Variants in ADAM29 observed in about 807,000 individuals in gnomAD.
The protein encoded by ADAM29 is disintegrin and metalloproteinase domain-containing protein 29.
For missense variants in ADAM29, 969 were observed against 1,001.8 expected (o/e 0.97, Z 0.44); for synonymous variants, 367 against 342.3 (o/e 1.07, Z -0.80).
At position 174,961,912 on chromosome 4, in the gene ADAM29, G is replaced by A. The variant is rs1480158526; in HGVS notation, c.-180-13434G>A. On this transcript the variant is annotated intron_variant, in intron 4 of 4. Transcript: ENST00000359240. The stretch of plus-strand genomic sequence containing the variant: ...ACACTTTCTGTCTTTAAGAATTATG[G>A]TGACCTTCTCCAATTAAGAATTATA... Among the ~76,000 whole-genome samples, 6 of 152,116 alleles carry A rather than the reference G, an allele frequency of 3.9e-5. No individual in the cohort carries two copies. The South Asian group carries it at 1.0e-3, about 26-fold the overall frequency.
intron 4 of ADAM29, among the ~76,000 whole-genome samples, chr4:174,944,582 C>T (rs1044245159): frequency 1.3e-5 from 2 of 152,050 alleles, no homozygotes; most frequent in African/African-American, 4.8e-5. Flanking sequence ...GTTGCATAGG[C>T]AAACTGTGTG....
At chr4:174,973,866 G>A (rs902419556) in intron 4 of ADAM29, among the ~76,000 whole-genome samples, 2 of 152,182 alleles carry the variant, frequency 1.3e-5, no homozygotes, top group Admixed American at 1.3e-4. Flanking sequence ...TCATTTGATA[G>A]AGGGCTAGGA....
chr4:174,967,938 C>T (rs1746243204), intron 4 of ADAM29, among the ~76,000 whole-genome samples: 1 of 152,154 alleles, frequency 6.6e-6, no homozygotes, highest in Non-Finnish European at 1.5e-5. Context: ...TTAATACTCA[C>T]AAATTATTTC....
chr4:174,962,151 C>T (rs1025684816), intron 4 of ADAM29, among the ~76,000 whole-genome samples: 6 of 152,036 alleles, frequency 3.9e-5, no homozygotes, highest in Admixed American at 6.5e-5. Context: ...TGATTATTAA[C>T]TTCATATGTA....
chr4:174,941,468 A>G (rs908048005), intron 4 of ADAM29, among the ~76,000 whole-genome samples: 12 of 152,224 alleles, frequency 7.9e-5, no homozygotes, highest in Non-Finnish European at 1.5e-4. Context: ...ACAGCTTCAC[A>G]TAGCTGGGGA....
In ADAM29 at chr4:174,975,558, G is replaced by C. The variant is rs1318351629; in HGVS notation, c.33G>C (p.Gly11=). 5 of 1,529,862 alleles carry C rather than the reference G, an allele frequency of 3.3e-6. No individual in the cohort carries two copies. The highest frequency in any genetic ancestry group is 4.4e-6 in the Non-Finnish European group (5 of 1,140,206). 94.8% of individuals were successfully genotyped at this position (1,529,862 alleles called of 1,614,324 possible). A position where few individuals can be genotyped will look rare whatever the true frequency, so the allele number is the denominator to read the frequency against. The change falls in exon 5 of 5, where the codon GGG becomes GGC. Residue 11 remains glycine, a synonymous_variant. Transcript: ENST00000359240. MKMLLLLHCL[G]VFLSCSGHIQ... ...TGTTACTCCTGCTGCATTGCCTTGG[G>C]GTGTTTCTGTCCTGTTCTGGACACA...
chr4:174,924,782 T>C (rs1415081335), intron 2 of ADAM29, among the ~76,000 whole-genome samples: 3 of 152,180 alleles, frequency 2.0e-5, no homozygotes, highest in Non-Finnish European at 4.4e-5. Flanking sequence ...TAAAAGACTA[T>C]TGTATGTTAG....
At chr4:174,927,635 C>G (rs1220841413) in intron 2 of ADAM29, among the ~76,000 whole-genome samples, 2 of 152,100 alleles carry the variant, frequency 1.3e-5, no homozygotes, top group Non-Finnish European at 2.9e-5. Flanking sequence ...TAAGTTTTGT[C>G]TGTTGATCTT....
intron 4 of ADAM29, among the ~76,000 whole-genome samples, chr4:174,969,954 A>C (rs77828331): frequency 0.021 from 3,139 of 152,172 alleles, 90 homozygotes; most frequent in African/African-American, 0.07. Context: ...TTTTCTCTGC[A>C]GTGTGGGGCT....
At chr4:174,941,564 T>G (rs1219265651) in intron 4 of ADAM29, among the ~76,000 whole-genome samples, 1 of 152,048 alleles carries the variant, frequency 6.6e-6, no homozygotes, top group African/African-American at 2.4e-5. Context: ...TGCCACACTT[T>G]TAACCATCAG....
In ADAM29 at chr4:174,977,635, AT is replaced by A; in HGVS notation, c.2111del (p.Ile704LysfsTer33). 1 of 1,614,112 alleles carries A rather than the reference AT, an allele frequency of 6.2e-7. No homozygotes were observed. Among genetic ancestry groups the A allele is most frequent in the Non-Finnish European group, 8.5e-7 (1 of 1,180,020 alleles). Reference sequence around the variant, plus strand: ...TCGACTTTGTAAAAAAAGTAAACCAATAAAAAAGCAGCAAGATGTTCAAACT... The same window carrying A: ...TCGACTTTGTAAAAAAAGTAAACCAAAAAAAAGCAGCAAGATGTTCAAACT... ...LYRLCKKSKP[I>X]KKQQDVQTPS... On this transcript the variant is annotated frameshift_variant, in exon 5 of 5. Coordinates refer to ENST00000359240, the MANE Select transcript of ADAM29 (RefSeq NM_014269.4). LOFTEE classifies it low-confidence loss of function (END_TRUNC).
Position 174,939,766 on chromosome 4 carries a change from A to C in ADAM29, c.-181+2753A>C, listed in dbSNP as rs559326867. The stretch of plus-strand genomic sequence containing the variant: ...GATGGATTATCCAAATAAAAGACAC[A>C]ATACACCTTTAGATGGAAAGAAACA... On this transcript the variant is annotated intron_variant, in intron 4 of 4. Coordinates refer to ENST00000359240, the MANE Select transcript of ADAM29 (RefSeq NM_014269.4). Among the ~76,000 whole-genome samples the C allele has an allele frequency of 2.6e-5, 4 of 152,312 alleles. No individual in the cohort carries two copies. In the East Asian group the frequency reaches 7.7e-4, roughly 29 times the overall value.
chr4:174,968,826 C>T (rs895256524), intron 4 of ADAM29, among the ~76,000 whole-genome samples: 10 of 150,982 alleles, frequency 6.6e-5, no homozygotes, highest in Admixed American at 2.6e-4. Context: ...TAATTTAGAT[C>T]GTGTTTGTCT....
chr4:174,928,274 G>T lies in ADAM29; in HGVS notation c.-450-2712G>T, dbSNP rs555052737. Among the ~76,000 whole-genome samples, 7 of 152,198 alleles carry T rather than the reference G, an allele frequency of 4.6e-5. No homozygotes were observed. In the South Asian group the frequency reaches 1.0e-3, roughly 23 times the overall value. ...AGACCATTGCATGGCTTTACAAGGCGAGGAACAGGGTCAGGGTGGGGGAGC... is the reference window on the plus strand; with the variant it reads ...AGACCATTGCATGGCTTTACAAGGCTAGGAACAGGGTCAGGGTGGGGGAGC... On this transcript the variant is annotated intron_variant, in intron 2 of 4. Coordinates refer to ENST00000359240, the MANE Select transcript of ADAM29 (RefSeq NM_014269.4).
At chr4:174,937,404 A>G (rs1744262548) in intron 4 of ADAM29, among the ~76,000 whole-genome samples, 2 of 152,048 alleles carry the variant, frequency 1.3e-5, no homozygotes, top group Admixed American at 1.3e-4. Flanking sequence ...AAAGATTCTT[A>G]CTGTTGAATC....
At chr4:174,927,009 T>C (rs902954613) in intron 2 of ADAM29, among the ~76,000 whole-genome samples, 2 of 152,192 alleles carry the variant, frequency 1.3e-5, no homozygotes, top group African/African-American at 2.4e-5. Flanking sequence ...AATATACTTA[T>C]CAAAGATACT....
chr4:174,920,127 C>T (rs140340092), intron 1 of ADAM29, among the ~76,000 whole-genome samples: 2 of 152,270 alleles, frequency 1.3e-5, no homozygotes, highest in East Asian at 3.9e-4. Context: ...AAGATCTGAA[C>T]AAGTCAAATA....
At chr4:174,925,740 G>C (rs1215200070) in intron 2 of ADAM29, among the ~76,000 whole-genome samples, 1 of 152,200 alleles carries the variant, frequency 6.6e-6, no homozygotes, top group African/African-American at 2.4e-5. Context: ...GTTTCGTAAA[G>C]ACTTGTGCTC....
intron 4 of ADAM29, among the ~76,000 whole-genome samples, chr4:174,953,383 A>G (rs1391362360): frequency 2.0e-5 from 3 of 152,222 alleles, no homozygotes; most frequent in Non-Finnish European, 2.9e-5. Context: ...TTACTAAAGT[A>G]TACTATTTTC....
Sources: allele counts gnomAD v4.1 joint callset (sites outside exome capture counted in the v4.1 genomes callset), GRCh38; gene constraint gnomAD v4.1.1; transcripts MANE v1.5; gene names NCBI Gene and HGNC (gene_info 2026-07-23, HGNC 2026-07-21).